Variants in RBFOX1 observed in about 807,000 individuals in gnomAD.
RBFOX1 encodes RNA binding protein fox-1 homolog 1.
Under a neutral mutation model 57.7 loss-of-function variants are expected in RBFOX1, and 8 were observed. That is an observed-to-expected ratio of 0.14 (90% CI 0.08 to 0.25). The LOEUF is 0.25. RBFOX1 is among the 10% of genes least tolerant of loss of function. The probability of loss-of-function intolerance (pLI) is 1.00; values close to 1 mark genes in which losing one functional copy is unlikely to be tolerated. For synonymous variants in RBFOX1, 326 were observed against 222.4 expected (o/e 1.47, Z -4.15); for missense variants, 611 against 548.5 (o/e 1.11, Z -1.14).
At chr16:6,445,708 G>A (rs74561142) in intron 2 of RBFOX1, among the ~76,000 whole-genome samples, 25,241 of 151,558 alleles carry the variant, frequency 0.17, 2,690 homozygotes, top group East Asian at 0.44. Context: ...TCAGCCTCCC[G>A]AGTAGCTGGG....
intron 1 of RBFOX1, among the ~76,000 whole-genome samples, chr16:5,454,307 C>T (rs1477632135): frequency 6.6e-6 from 1 of 152,200 alleles, no homozygotes; most frequent in Non-Finnish European, 1.5e-5. Context: ...CCACCCTAAA[C>T]TTAGAGGCAT....
chr16:7,460,514 A>C (rs538979775), intron 4 of RBFOX1, among the ~76,000 whole-genome samples: 11 of 147,004 alleles, frequency 7.5e-5, no homozygotes, highest in Non-Finnish European at 1.5e-4. Flanking sequence ...ACATATATAT[A>C]TCTAATATAC....
chr16:5,633,242 C>G lies in RBFOX1; in HGVS notation c.318+34281C>G, dbSNP rs537298348. 3.3e-5 allele frequency among the ~76,000 whole-genome samples: 5 copies of G among 152,220 alleles called. No homozygotes were observed. In the South Asian group the frequency reaches 1.0e-3, roughly 32 times the overall value. ...CTGAGCCACCACGCCCAGCCAACAA[C>G]TCTTTTACATCAGTGCAAGTTGGAA... On this transcript the variant is annotated intron_variant, in intron 3 of 19. Coordinates refer to the RBFOX1 transcript ENST00000641259.
chr16:6,332,756 A>G (rs1004144429), intron 2 of RBFOX1, among the ~76,000 whole-genome samples: 1 of 152,226 alleles, frequency 6.6e-6, no homozygotes, highest in African/African-American at 2.4e-5. Flanking sequence ...TGAATAGTTC[A>G]GAGAACTTAA....
In RBFOX1 at chr16:6,567,565, A is replaced by C. The variant is rs76314404; in HGVS notation, c.-63-87038A>C. ...TTATTACTATTTCATTGTGTTTCTT[A>C]TGTGTCTGCTTGTTCTCAGTCTCTG... is the stretch of plus-strand genomic sequence containing the variant. On this transcript the variant is annotated intron_variant, in intron 2 of 15. Transcript: ENST00000550418. 1.2e-3 allele frequency among the ~76,000 whole-genome samples: 179 copies of C among 152,128 alleles called. 1 individual carries two copies. The highest frequency in any genetic ancestry group is 4.0e-3 in the African/African-American group (168 of 41,484).
chr16:6,917,297 C>G (rs1049450349), intron 3 of RBFOX1, among the ~76,000 whole-genome samples: 4 of 152,202 alleles, frequency 2.6e-5, no homozygotes, highest in African/African-American at 9.7e-5. Context: ...TAACCAAACA[C>G]TGAACAGAGG....
At chr16:7,287,347 G>A (rs2095670038) in intron 4 of RBFOX1, among the ~76,000 whole-genome samples, 1 of 152,166 alleles carries the variant, frequency 6.6e-6, no homozygotes. Flanking sequence ...CTTCTTTGGT[G>A]ACTATAATTA....
chr16:7,113,587 A>T (rs1280092727), intron 4 of RBFOX1, among the ~76,000 whole-genome samples: 1 of 152,198 alleles, frequency 6.6e-6, no homozygotes, highest in Non-Finnish European at 1.5e-5. Context: ...CACATGATGA[A>T]TGTATGCAAA....
chr16:7,227,981 A>G (rs578010242), intron 4 of RBFOX1, among the ~76,000 whole-genome samples: 4 of 152,276 alleles, frequency 2.6e-5, no homozygotes, highest in South Asian at 2.1e-4. Flanking sequence ...TAGGATGTTT[A>G]GCAGTATCTC....
intron 1 of RBFOX1, among the ~76,000 whole-genome samples, chr16:5,252,126 C>G (rs1208592237): frequency 2.0e-5 from 3 of 152,188 alleles, no homozygotes; most frequent in East Asian, 1.9e-4. Context: ...TCTGTTTACT[C>G]TGAGCCCAGA....
intron 2 of RBFOX1, among the ~76,000 whole-genome samples, chr16:6,493,715 C>G (rs943525269): frequency 6.6e-6 from 1 of 152,168 alleles, no homozygotes; most frequent in Non-Finnish European, 1.5e-5. Context: ...TTGGGAGATT[C>G]AGCTGGCCTG....
intron 1 of RBFOX1, among the ~76,000 whole-genome samples, chr16:5,410,819 A>G (rs2067001018): frequency 6.6e-6 from 1 of 152,204 alleles, no homozygotes; most frequent in Non-Finnish European, 1.5e-5. Context: ...CCCCAACTGA[A>G]AGTACTTGAA....
At chr16:5,668,201 A>T (rs577105159) in intron 3 of RBFOX1, among the ~76,000 whole-genome samples, 54 of 152,286 alleles carry the variant, frequency 3.5e-4, no homozygotes, top group Non-Finnish European at 6.3e-4. Context: ...GAATTGTTTG[A>T]ACCCGGGAGG....
chr16:6,168,107 C>T (rs1002969612), intron 1 of RBFOX1, among the ~76,000 whole-genome samples: 22 of 152,150 alleles, frequency 1.4e-4, no homozygotes, highest in Middle Eastern at 3.2e-3. Context: ...TGGGGGCACA[C>T]GCAGATTTGC....
In RBFOX1 at chr16:5,459,591, C is replaced by A. The variant is rs142238790; in HGVS notation, c.220-7625C>A. Among the ~76,000 whole-genome samples, 214 of 152,164 alleles carry A rather than the reference C, an allele frequency of 1.4e-3. 2 individuals are homozygous for A. Among genetic ancestry groups the A allele is most frequent in the East Asian group, 4.1e-3 (21 of 5,166 alleles). ...TGTCTGTGCAACACTTTCTCACGAT[C>A]CCCCAATTTTTCCTTCCCCCACAAA... is the stretch of plus-strand genomic sequence containing the variant. On this transcript the variant is annotated intron_variant, in intron 1 of 2. Transcript: ENST00000585867.
chr16:7,228,261 G>A (rs1179024051), intron 4 of RBFOX1, among the ~76,000 whole-genome samples: 4 of 152,050 alleles, frequency 2.6e-5, no homozygotes, highest in Non-Finnish European at 5.9e-5. Flanking sequence ...ACTTCCGACT[G>A]ATCAGAGCTG....
intron 3 of RBFOX1, among the ~76,000 whole-genome samples, chr16:5,803,178 A>G (rs1312057051): frequency 6.6e-6 from 1 of 151,926 alleles, no homozygotes; most frequent in Non-Finnish European, 1.5e-5. Context: ...GCAAAATAAA[A>G]CCTTACCTCA....
intron 2 of RBFOX1, among the ~76,000 whole-genome samples, chr16:6,333,523 T>C (rs779510848): frequency 1.3e-5 from 2 of 152,220 alleles, no homozygotes; most frequent in Non-Finnish European, 2.9e-5. Flanking sequence ...TTCTTTTCTA[T>C]CACTTGTCAA....
intron 3 of RBFOX1, among the ~76,000 whole-genome samples, chr16:6,907,587 T>A (rs542447312): frequency 1.3e-5 from 2 of 152,206 alleles, no homozygotes; most frequent in South Asian, 4.2e-4. Flanking sequence ...TGTTTCTGTT[T>A]TTGATGGAGT....
Sources: gnomAD v4.1 joint callset for allele counts (sites outside exome capture counted in the v4.1 genomes callset) on GRCh38, gnomAD v4.1.1 for gene constraint, MANE v1.5 for transcripts, NCBI Gene and HGNC (gene_info 2026-07-23, HGNC 2026-07-21) for gene names.